MS4A8: variants seen among roughly 807,000 people sequenced by gnomAD.
The protein encoded by MS4A8 is membrane spanning 4-domains A8, also known as membrane-spanning 4-domains subfamily A member 8.
MS4A8 carries 27 observed loss-of-function variants against 23.7 expected under a neutral mutation model. The ratio of observed to expected loss-of-function variants is 1.14; its 90% CI spans 0.84 to 1.57. MS4A8 has a LOEUF of 1.57. MS4A8 is among the 40% of genes most tolerant of loss of function. MS4A8 has a pLI of 0.00. For synonymous variants in MS4A8, 138 were observed against 126.3 expected, an observed-to-expected ratio of 1.09 and a Z score of -0.62; for missense variants, 301 against 311.4, an observed-to-expected ratio of 0.97 and a Z score of 0.25.
At chr11:60,713,045 A>C (rs988592866) in intron 5 of MS4A8, among the ~76,000 whole-genome samples, 1 of 152,090 alleles carries the variant, frequency 6.6e-6, no homozygotes, top group Admixed American at 6.5e-5. Context: ...GCTATGGTTA[A>C]TTTACTTCAT....
At chr11:60,706,225 C>T (rs2088254709) in intron 3 of MS4A8, among the ~76,000 whole-genome samples, 1 of 152,168 alleles carries the variant, frequency 6.6e-6, no homozygotes, top group Non-Finnish European at 1.5e-5. Context: ...CAAATGGTAG[C>T]TCCTATTAAA....
chr11:60,706,604 A>G (rs1394421163), intron 3 of MS4A8, among the ~76,000 whole-genome samples: 1 of 152,252 alleles, frequency 6.6e-6, no homozygotes, highest in African/African-American at 2.4e-5. Context: ...AAATAATCCA[A>G]CATTTGAGCA....
chr11:60,715,266 G>T lies in MS4A8; in HGVS notation c.649-44G>T, dbSNP rs756313113. ...CGGTGTCCGAGGCCTTTGGTGCATG[G>T]CCCGTCCTTCTTAGCATGCCCCCTG... is the stretch of plus-strand genomic sequence containing the variant. On this transcript the variant is annotated intron_variant, in intron 6 of 6. Coordinates refer to ENST00000300226, the MANE Select transcript of MS4A8 (RefSeq NM_031457.2). 8 of 1,573,338 alleles carry T rather than the reference G, an allele frequency of 5.1e-6. No individual in the cohort carries two copies. In the Admixed American group the frequency reaches 1.3e-4, roughly 26 times the overall value.
At chr11:60,713,448 A>G (rs529009889) in intron 5 of MS4A8, among the ~76,000 whole-genome samples, 2 of 152,322 alleles carry the variant, frequency 1.3e-5, no homozygotes, top group South Asian at 4.1e-4. Flanking sequence ...TCTCTGCATC[A>G]TAAACAAGGT....
intron 3 of MS4A8, among the ~76,000 whole-genome samples, chr11:60,704,829 CACACACAT>C (rs1346504840): frequency 0.021 from 2,210 of 107,584 alleles, 46 homozygotes; most frequent in African/African-American, 0.072. Context: ...CACACACACA[CACACACAT>C]ACACACACAC....
intron 4 of MS4A8, among the ~76,000 whole-genome samples, chr11:60,708,386 G>C (rs2088275005): frequency 6.6e-6 from 1 of 152,098 alleles, no homozygotes; most frequent in Non-Finnish European, 1.5e-5. Flanking sequence ...GTGGAAATAG[G>C]GTTCCTGGGA....
chr11:60,715,485 C>A lies in MS4A8; in HGVS notation c.*71C>A. ...CTCCTCCCTTTCTGGGCTTCCATAACCCAGGTCGTTCCTGTTCTGACAGCT... is the reference window on the plus strand; with the variant it reads ...CTCCTCCCTTTCTGGGCTTCCATAAACCAGGTCGTTCCTGTTCTGACAGCT... On this transcript the variant is annotated 3_prime_UTR_variant, in exon 7 of 7. Transcript: ENST00000300226. 1.6e-6 allele frequency: 2 copies of A among 1,244,418 alleles called. No individual in the cohort carries two copies. Among genetic ancestry groups the A allele is most frequent in the Non-Finnish European group, 2.3e-6 (2 of 864,966 alleles). The allele number at this position is 1,244,418 out of a possible 1,614,324, so 77.1% of individuals were successfully genotyped here. A position where few individuals can be genotyped will look rare whatever the true frequency, so the allele number is the denominator to read the frequency against.
intron 5 of MS4A8, chr11:60,712,016 A>T (rs1404898377): frequency 3.8e-6 from 1 of 261,648 alleles, no homozygotes; most frequent in African/African-American, 2.3e-5. Flanking sequence ...CAAATAAAAA[A>T]AATCTCAGCT....
chr11:60,702,505 C>A (rs899738393), intron 2 of MS4A8, among the ~76,000 whole-genome samples: 21 of 152,318 alleles, frequency 1.4e-4, no homozygotes, highest in African/African-American at 4.3e-4. Context: ...TGGGTTTAAG[C>A]GATTCTCCCG....
intron 3 of MS4A8, among the ~76,000 whole-genome samples, chr11:60,704,178 T>C (rs1361877269): frequency 1.4e-5 from 2 of 146,508 alleles, no homozygotes; most frequent in East Asian, 2.0e-4. Flanking sequence ...TGGAGCGCAG[T>C]GGTGCAATCT....
chr11:60,714,781 C>T (rs1482246113), intron 5 of MS4A8, among the ~76,000 whole-genome samples: 1 of 152,180 alleles, frequency 6.6e-6, no homozygotes, highest in Non-Finnish European at 1.5e-5. Flanking sequence ...CAAGGGGCTT[C>T]CCTAAACATG....
intron 6 of MS4A8, 31 bp downstream of exon 6, chr11:60,715,165 A>G: frequency 6.4e-7 from 1 of 1,561,986 alleles, no homozygotes; most frequent in Non-Finnish European, 8.8e-7. Flanking sequence ...GTGGGTGGAA[A>G]GATGCCCCCA....
intron 3 of MS4A8, among the ~76,000 whole-genome samples, chr11:60,704,855 A>C (rs60802475): frequency 6.0e-4 from 4 of 6,716 alleles, no homozygotes; most frequent in Non-Finnish European, 1.5e-3. Context: ...CACACATACA[A>C]ACAAACACAC....
chr11:60,710,878 G>A (rs559183108), intron 5 of MS4A8, among the ~76,000 whole-genome samples: 1 of 152,268 alleles, frequency 6.6e-6, no homozygotes, highest in Non-Finnish European at 1.5e-5. Context: ...GGCCTGGAAT[G>A]TTCCCTCCGA....
rs769173697 is a variant in MS4A8, at chr11:60,707,065, A to G, written c.402+18A>G. ...ATTGCCTGGTAAGTTACATTCTGAG[A>G]CCAGCTCTTCCAACTGGAGACCTAT... is the stretch of plus-strand genomic sequence containing the variant. On this transcript the variant is annotated intron_variant, in intron 4 of 6. Coordinates refer to ENST00000300226, the MANE Select transcript of MS4A8 (RefSeq NM_031457.2). 8.1e-6 allele frequency: 13 copies of G among 1,609,328 alleles called. No individual in the cohort carries two copies. Among genetic ancestry groups the G allele is most frequent in the Non-Finnish European group, 7.7e-6 (9 of 1,175,596 alleles).
rs1178321905 is a variant in MS4A8, at chr11:60,707,066, C to A, written c.402+19C>A. The A allele has an allele frequency of 6.2e-7, 1 of 1,606,706 alleles. No homozygotes were observed. On this transcript the variant is annotated intron_variant, in intron 4 of 6. Transcript: ENST00000300226. The stretch of plus-strand genomic sequence containing the variant: ...TTGCCTGGTAAGTTACATTCTGAGA[C>A]CAGCTCTTCCAACTGGAGACCTATA...
chr11:60,715,371 C>T lies in MS4A8; in HGVS notation c.710C>T (p.Thr237Ile), dbSNP rs375920027. The T allele has an allele frequency of 3.7e-6, 6 of 1,613,930 alleles. No individual in the cohort carries two copies. In the African/African-American group the frequency reaches 8.0e-5, roughly 22 times the overall value. The change falls in exon 7 of 7, where the codon ACC becomes ATC. Residue 237 changes from threonine to isoleucine, a missense_variant. By Grantham distance (89) the Thr-to-Ile change is moderately conservative. Transcript: ENST00000300226. ...ANPVITPEPV[T>I]SPPSYSSEIQ... ...CCAGTGATCACCCCAGAACCGGTGA[C>T]CTCACCACCAAGTTATTCCAGTGAG...
chr11:60,700,208 C>T (rs747109891), intron 1 of MS4A8, among the ~76,000 whole-genome samples: 1 of 152,228 alleles, frequency 6.6e-6, no homozygotes, highest in Non-Finnish European at 1.5e-5. Context: ...TAGTTCTGAA[C>T]TTTTGCTTTC....
chr11:60,703,636 GCCCTGGC>G (rs1833484633), intron 3 of MS4A8, 136 bp downstream of exon 3: 5 of 1,020,114 alleles, frequency 4.9e-6, no homozygotes, highest in Non-Finnish European at 7.2e-6. Flanking sequence ...AAACCAGCCA[GCCCTGGC>G]CTCGTTCCGC....
Sources: allele counts gnomAD v4.1 joint callset (sites outside exome capture counted in the v4.1 genomes callset), GRCh38; gene constraint gnomAD v4.1.1; transcripts MANE v1.5; gene names NCBI Gene and HGNC (gene_info 2026-07-23, HGNC 2026-07-21).